Variants in TCHP observed in about 807,000 individuals in gnomAD.
TCHP encodes the protein trichoplein keratin filament-binding protein.
A neutral mutation model predicts 88.7 loss-of-function variants in TCHP; 81 were observed. The observed-to-expected ratio is 0.91, with a 90% CI of 0.76 to 1.10. The LOEUF is 1.10. Ranked by LOEUF, TCHP falls within the 50% of genes least tolerant of loss-of-function variation. The probability of loss-of-function intolerance (pLI) is 0.00; values close to 1 mark genes in which losing one functional copy is unlikely to be tolerated. For missense variants in TCHP, 641 were observed against 632.1 expected (o/e 1.01, Z -0.15); for synonymous variants, 232 against 232.5 (o/e 1.00, Z 0.02).
At chr12:109,907,502 C>T in intron 5 of TCHP, 24 bp from the exon 6 acceptor site, 1 of 1,612,024 alleles carries the variant, frequency 6.2e-7, no homozygotes, top group Non-Finnish European at 8.5e-7. Context: ...AGATATTGAC[C>T]TGTGTTCATT....
In TCHP at chr12:109,915,562, G is replaced by T. The variant is rs1565914862; in HGVS notation, c.1464+16G>T. The T allele has an allele frequency of 6.2e-7, 1 of 1,604,378 alleles. No homozygotes were observed. Among genetic ancestry groups the T allele is most frequent in the Admixed American group, 1.7e-5 (1 of 59,372 alleles). On this transcript the variant is annotated intron_variant, in intron 12 of 12. Transcript: ENST00000405876. ...CCGGCCTAAGGTAGGAAGTCTGCCA[G>T]GATATAGGCCAACACCGGCAAGACA...
the TCHP span, among the ~76,000 whole-genome samples, chr12:109,891,281 T>A: frequency 6.6e-6 from 1 of 152,210 alleles, no homozygotes; most frequent in Non-Finnish European, 1.5e-5. Context: ...ATTGTAACTT[T>A]CGCTTATTTT....
the TCHP span, among the ~76,000 whole-genome samples, chr12:109,883,909 T>A: frequency 6.6e-6 from 1 of 152,096 alleles, no homozygotes; most frequent in Non-Finnish European, 1.5e-5. Flanking sequence ...TAGGGTGGAT[T>A]TTTGCTTTCC....
At chr12:109,889,534 T>C in the TCHP span, among the ~76,000 whole-genome samples, 1 of 152,162 alleles carries the variant, frequency 6.6e-6, no homozygotes, top group Admixed American at 6.5e-5. Flanking sequence ...GCTCTAGGCA[T>C]TCCTGTCTCA....
chr12:109,913,093 G>A (rs755268088), intron 10 of TCHP, 21 bp downstream of exon 10: 1 of 1,612,718 alleles, frequency 6.2e-7, no homozygotes, highest in African/African-American at 1.3e-5. Context: ...CTGCGGCGAT[G>A]TGGACCGGCT....
At position 109,903,175 on chromosome 12, in the gene TCHP, A is replaced by G. The variant is rs745924398; in HGVS notation, c.149A>G (p.Lys50Arg). The G allele has an allele frequency of 5.0e-6, 8 of 1,613,850 alleles. No individual in the cohort carries two copies. The highest frequency in any genetic ancestry group is 1.7e-5 in the Admixed American group (1 of 60,008). ...AGGATGTCTGACATCTGCAGCTCCAAACAGGCAGAATGGAGCTCTAAAACC... is the reference window on the plus strand; with the variant it reads ...AGGATGTCTGACATCTGCAGCTCCAGACAGGCAGAATGGAGCTCTAAAACC... The part of the protein sequence containing the change: ...YFRMSDICSS[K>R]QAEWSSKTSY... Residue 50 changes from lysine to arginine, a missense_variant, in exon 2 of 13, where the codon AAA (lysine) becomes AGA (arginine). Transcript: ENST00000405876. This position sits in a 1 kb window ranked among gnomAD's most constrained non-coding sequence, Gnocchi z 4.6.
chr12:109,899,633 T>C (rs151072373), upstream of TCHP, among the ~76,000 whole-genome samples: 1,516 of 152,108 alleles, frequency 1.0e-2, 36 homozygotes, highest in African/African-American at 0.035. Flanking sequence ...CAAGACTCTG[T>C]CTCAAAAAAA....
intron 4 of TCHP, 98 bp from the exon 5 acceptor site, chr12:109,906,474 C>A: frequency 8.7e-7 from 1 of 1,152,580 alleles, no homozygotes; most frequent in Non-Finnish European, 1.3e-6. Context: ...AAGTCATGGC[C>A]ACGTTCCCGC....
the TCHP span, among the ~76,000 whole-genome samples, chr12:109,881,870 G>A: frequency 1.3e-5 from 2 of 152,152 alleles, no homozygotes; most frequent in African/African-American, 4.8e-5. Context: ...ATTGTTGAGA[G>A]CCTCTTATTC....
intron 8 of TCHP, among the ~76,000 whole-genome samples, chr12:109,909,662 A>T (rs376942238): frequency 1.3e-5 from 2 of 152,140 alleles, no homozygotes; most frequent in East Asian, 1.9e-4. Context: ...TCTACTAAAA[A>T]TACAAAAACT....
intron 1 of TCHP, among the ~76,000 whole-genome samples, chr12:109,901,612 C>T (rs79231736): frequency 0.016 from 2,510 of 152,298 alleles, 36 homozygotes; most frequent in South Asian, 0.053. Context: ...GAGTTGGTGT[C>T]GGGCAGAGCA....
At chr12:109,881,763 T>C in the TCHP span, among the ~76,000 whole-genome samples, 1 of 152,186 alleles carries the variant, frequency 6.6e-6, no homozygotes, top group South Asian at 2.1e-4. Context: ...AGGGTCCAGC[T>C]TCTCACACCT....
At chr12:109,914,313 T>G in intron 10 of TCHP, 129 bp from the exon 11 acceptor site, 1 of 757,622 alleles carries the variant, frequency 1.3e-6, no homozygotes, top group Non-Finnish European at 2.1e-6. Context: ...GCTCTGCCTC[T>G]GCGTACCTGG....
At chr12:109,897,567 T>C (rs1388635640), upstream of TCHP, among the ~76,000 whole-genome samples, 1 of 115,468 alleles carries the variant, frequency 8.7e-6, no homozygotes, top group Non-Finnish European at 1.8e-5. Context: ...TCTTTCTTTC[T>C]TTTTTTTTTT....
At chr12:109,915,568 A>C in intron 12 of TCHP, 22 bp downstream of exon 12, 1 of 1,598,364 alleles carries the variant, frequency 6.3e-7, no homozygotes, top group Non-Finnish European at 8.5e-7. Context: ...GCCAGGATAT[A>C]GGCCAACACC....
At chr12:109,914,405 A>C (rs370094286) in intron 10 of TCHP, 37 bp from the exon 11 acceptor site, 10 of 1,576,536 alleles carry the variant, frequency 6.3e-6, no homozygotes, top group Non-Finnish European at 8.6e-6. Context: ...TGTTAGGGTC[A>C]ACCTCAAAGC....
intron 1 of TCHP, chr12:109,900,687 G>C (rs1022105578): frequency 6.6e-6 from 1 of 152,264 alleles, no homozygotes; most frequent in Non-Finnish European, 1.5e-5. Context: ...TTAACTCTTG[G>C]TGCAAAGACT....
At chr12:109,884,631 C>A in the TCHP span, among the ~76,000 whole-genome samples, 1 of 152,160 alleles carries the variant, frequency 6.6e-6, no homozygotes. Flanking sequence ...GTAAAAATTG[C>A]TTGATTTTTA....
Position 109,904,070 on chromosome 12 carries a change from A to G in TCHP, c.322A>G (p.Ser108Gly). The change falls in exon 3 of 13, where the codon AGC becomes GGC. Residue 108 changes from serine to glycine, a missense_variant. Coordinates refer to ENST00000405876, the MANE Select transcript of TCHP (RefSeq NM_001143852.2). The stretch of plus-strand genomic sequence containing the variant: ...CAGAGAACTGGAGGAGCTGAGGCTG[A>G]GCATGAACTTGCAGGAAAGAAGAAT... ...LARELEELRL[S>G]MNLQERRIRE... The G allele has an allele frequency of 6.2e-7, 1 of 1,602,826 alleles. No homozygotes were observed. The highest frequency in any genetic ancestry group is 8.5e-7 in the Non-Finnish European group (1 of 1,174,580).
Sources: gnomAD v4.1 joint callset for allele counts (sites outside exome capture counted in the v4.1 genomes callset) on GRCh38, gnomAD v4.1.1 for gene constraint, Gnocchi (gnomAD v3.1) non-coding constraint, MANE v1.5 for transcripts, NCBI Gene and HGNC (gene_info 2026-07-23, HGNC 2026-07-21) for gene names.